Variants in DLGAP1 observed in about 807,000 individuals in gnomAD.
DLGAP1 encodes disks large-associated protein 1.
Under a neutral mutation model 90.8 loss-of-function variants are expected in DLGAP1, and 11 were observed. The observed-to-expected ratio is 0.12, with a 90% confidence interval of 0.08 to 0.20. The LOEUF is 0.20. Among genes scored for constraint, DLGAP1 ranks in the 10% least tolerant of loss-of-function variants. The pLI, the probability that DLGAP1 is intolerant of heterozygous loss-of-function variation, is 1.00. For synonymous variants in DLGAP1, 558 were observed against 540.7 expected, an observed-to-expected ratio of 1.03 and a Z score of -0.44; for missense variants, 1,050 against 1,333.8, an observed-to-expected ratio of 0.79 and a Z score of 3.31.
At chr18:4,443,373 G>A (rs931103205) in intron 1 of DLGAP1, among the ~76,000 whole-genome samples, 1 of 152,220 alleles carries the variant, frequency 6.6e-6, no homozygotes, top group African/African-American at 2.4e-5. Flanking sequence ...GCTGATGGCT[G>A]AGCATCATCT....
chr18:3,587,392 G>T lies in DLGAP1; in HGVS notation c.1592-5144C>A, dbSNP rs545296310. ...TGAAGCCAGCTGGACTTCCTGGGTC[G>T]AGTGGGGACTTGGAGAACTTTTCTA... is the stretch of plus-strand genomic sequence containing the variant. On this transcript the variant is annotated intron_variant, in intron 7 of 12. Transcript: ENST00000315677. 2.0e-5 allele frequency among the ~76,000 whole-genome samples: 3 copies of T among 152,268 alleles called. No homozygotes were observed. In the East Asian group the frequency reaches 5.8e-4, roughly 29 times the overall value.
At position 4,308,386 on chromosome 18, in the gene DLGAP1, GAAAC is replaced by G. The variant is rs201148858; in HGVS notation, c.-267+146616_-267+146619del. Among the ~76,000 whole-genome samples, 1,496 of 152,258 alleles carry G rather than the reference GAAAC, an allele frequency of 9.8e-3. 13 individuals are homozygous for G. The highest frequency in any genetic ancestry group is 0.017 in the Middle Eastern group (5 of 294). On this transcript the variant is annotated intron_variant, in intron 1 of 12. Coordinates refer to ENST00000315677, the MANE Select transcript of DLGAP1 (RefSeq NM_004746.4). ...AATATGATAAATATGCTAGAATCAT[GAAAC>G]AGTGATCAAAACTACTGTATCTAAT... is the stretch of plus-strand genomic sequence containing the variant.
chr18:3,886,449 T>C (rs1599107598), intron 3 of DLGAP1, among the ~76,000 whole-genome samples: 1 of 152,218 alleles, frequency 6.6e-6, no homozygotes, highest in Non-Finnish European at 1.5e-5. Flanking sequence ...ATAGTTATTT[T>C]TAAAAGTGCG....
chr18:4,416,476 T>A (rs965307958), intron 1 of DLGAP1, among the ~76,000 whole-genome samples: 1 of 152,204 alleles, frequency 6.6e-6, no homozygotes, highest in African/African-American at 2.4e-5. Context: ...AAGATATGCA[T>A]CATAAGACAT....
chr18:3,528,337 C>T (rs766331601), intron 10 of DLGAP1, among the ~76,000 whole-genome samples: 3 of 152,094 alleles, frequency 2.0e-5, no homozygotes, highest in East Asian at 1.9e-4. Context: ...TCTTCCTTAC[C>T]GCCCCTCTTA....
At chr18:4,052,636 A>G (rs2075152584) in intron 2 of DLGAP1, among the ~76,000 whole-genome samples, 1 of 152,136 alleles carries the variant, frequency 6.6e-6, no homozygotes, top group Admixed American at 6.5e-5. Flanking sequence ...TTTGGTGATT[A>G]ACATTTGACT....
chr18:3,553,284 T>C (rs1219728572), intron 9 of DLGAP1, among the ~76,000 whole-genome samples: 1 of 152,196 alleles, frequency 6.6e-6, no homozygotes, highest in Non-Finnish European at 1.5e-5. Flanking sequence ...AGACTATACA[T>C]AGGATTATTC....
chr18:4,448,011 G>A (rs1283212227), intron 1 of DLGAP1, among the ~76,000 whole-genome samples: 1 of 152,152 alleles, frequency 6.6e-6, no homozygotes, highest in Non-Finnish European at 1.5e-5. Context: ...GGAGGAACTG[G>A]AGGAGAGAAC....
At chr18:3,983,260 A>G (rs2073774749) in intron 3 of DLGAP1, 1 of 151,424 alleles carries the variant, frequency 6.6e-6, no homozygotes, top group African/African-American at 2.5e-5. Flanking sequence ...TGATAATTAT[A>G]GTGATTGCCA....
chr18:4,139,548 T>C (rs890700944), intron 2 of DLGAP1, among the ~76,000 whole-genome samples: 1 of 152,010 alleles, frequency 6.6e-6, no homozygotes, highest in African/African-American at 2.4e-5. Flanking sequence ...TGGTCTATCC[T>C]TGATAATGAT....
intron 3 of DLGAP1, among the ~76,000 whole-genome samples, chr18:3,906,968 T>C (rs1333958371): frequency 6.6e-6 from 1 of 152,222 alleles, no homozygotes; most frequent in Non-Finnish European, 1.5e-5. Context: ...GTAATAGTAA[T>C]ACAAATAAAA....
At chr18:3,818,002 C>T (rs2067189986) in intron 4 of DLGAP1, among the ~76,000 whole-genome samples, 1 of 152,090 alleles carries the variant, frequency 6.6e-6, no homozygotes, top group East Asian at 1.9e-4. Context: ...TGGTGGGATG[C>T]CCTGCTTGTG....
intron 3 of DLGAP1, among the ~76,000 whole-genome samples, chr18:3,950,925 T>C (rs569349048): frequency 6.6e-6 from 1 of 152,320 alleles, no homozygotes; most frequent in African/African-American, 2.4e-5. Context: ...GACAGTTATC[T>C]ATGGTCAAGG....
intron 3 of DLGAP1, among the ~76,000 whole-genome samples, chr18:3,989,544 C>A (rs1166003641): frequency 1.3e-5 from 2 of 151,518 alleles, no homozygotes; most frequent in East Asian, 3.9e-4. Flanking sequence ...CTTTATTCAG[C>A]ATTAACCATC....
At chr18:4,303,932 A>G (rs2080188655) in intron 1 of DLGAP1, among the ~76,000 whole-genome samples, 1 of 152,252 alleles carries the variant, frequency 6.6e-6, no homozygotes, top group Non-Finnish European at 1.5e-5. Flanking sequence ...GCTCAAGAGA[A>G]GATGACTTAG....
intron 7 of DLGAP1, chr18:3,604,062 C>G (rs1170532083): frequency 6.5e-6 from 1 of 154,226 alleles, no homozygotes; most frequent in Non-Finnish European, 1.5e-5. Context: ...CTGTGACGTT[C>G]GTGAACTAGT....
At chr18:3,974,631 A>G (rs551606174) in intron 3 of DLGAP1, among the ~76,000 whole-genome samples, 1 of 152,320 alleles carries the variant, frequency 6.6e-6, no homozygotes, top group Admixed American at 6.5e-5. Context: ...TTTGGTTAAA[A>G]GTGAAACATA....
At chr18:4,353,406 T>A (rs540980197) in intron 1 of DLGAP1, among the ~76,000 whole-genome samples, 98 of 152,312 alleles carry the variant, frequency 6.4e-4, no homozygotes, top group African/African-American at 2.2e-3. Flanking sequence ...CCTTCGAAAG[T>A]GAGCCGCATT....
intron 4 of DLGAP1, among the ~76,000 whole-genome samples, chr18:3,871,667 A>G (rs894124776): frequency 2.0e-5 from 3 of 152,226 alleles, no homozygotes; most frequent in African/African-American, 4.8e-5. Context: ...TAATCACTGG[A>G]AAAGCACAGT....
Sources: allele counts gnomAD v4.1 joint callset (sites outside exome capture counted in the v4.1 genomes callset), GRCh38; gene constraint gnomAD v4.1.1; transcripts MANE v1.5; gene names NCBI Gene and HGNC (gene_info 2026-07-23, HGNC 2026-07-21).